The following LOC128706665 variants were observed in gnomAD, a reference collection of about 807,000 sequenced individuals.
the LOC128706665 span, among the ~76,000 whole-genome samples, chr20:10,427,063 C>CAG: frequency 6.9e-6 from 1 of 145,394 alleles, no homozygotes; most frequent in Admixed American, 6.8e-5. Flanking sequence ...CACACACACA[C>CAG]ACACACACAC....
At chr20:10,420,158 A>C in the LOC128706665 span, among the ~76,000 whole-genome samples, 2 of 152,200 alleles carry the variant, frequency 1.3e-5, no homozygotes, top group Non-Finnish European at 2.9e-5. Context: ...AATGAATACA[A>C]TTAGTTTTGT....
At chr20:10,428,391 A>G in the LOC128706665 span, among the ~76,000 whole-genome samples, 1 of 152,212 alleles carries the variant, frequency 6.6e-6, no homozygotes, top group African/African-American at 2.4e-5. Flanking sequence ...GAATCCCTAA[A>G]GAGCCCATTT....
At chr20:10,416,900 T>C in the LOC128706665 span, among the ~76,000 whole-genome samples, 6 of 152,158 alleles carry the variant, frequency 3.9e-5, no homozygotes, top group African/African-American at 9.7e-5. Flanking sequence ...GCTTTTACAC[T>C]ACAACAGAAA....
chr20:10,434,177 C>G, the LOC128706665 span: 1 of 152,360 alleles, frequency 6.6e-6, no homozygotes, highest in Non-Finnish European at 1.5e-5. Context: ...CTCAAGCAGC[C>G]GCTGCTGCCG....
the LOC128706665 span, among the ~76,000 whole-genome samples, chr20:10,428,618 C>T: frequency 6.6e-6 from 1 of 152,138 alleles, no homozygotes; most frequent in Non-Finnish European, 1.5e-5. Context: ...GAAGGTGGAT[C>T]ACTTGAGGTC....
At chr20:10,430,130 C>T in the LOC128706665 span, among the ~76,000 whole-genome samples, 1 of 152,296 alleles carries the variant, frequency 6.6e-6, no homozygotes, top group East Asian at 1.9e-4. Context: ...ATCTAAATTT[C>T]TTAGTACAGC....
the LOC128706665 span, among the ~76,000 whole-genome samples, chr20:10,427,021 A>ACACACACACAG: frequency 8.7e-6 from 1 of 114,724 alleles, no homozygotes; most frequent in Non-Finnish European, 1.9e-5. Context: ...CCAAGAAAAG[A>ACACACACACAG]AAACACTGAC....
At chr20:10,429,775 C>T in the LOC128706665 span, among the ~76,000 whole-genome samples, 3 of 152,270 alleles carry the variant, frequency 2.0e-5, no homozygotes, top group South Asian at 6.2e-4. Flanking sequence ...ACATGACCTC[C>T]TTGCTTCAAT....
the LOC128706665 span, among the ~76,000 whole-genome samples, chr20:10,433,163 C>T: frequency 6.6e-6 from 1 of 152,226 alleles, no homozygotes; most frequent in African/African-American, 2.4e-5. Flanking sequence ...GCCACTGCGC[C>T]CGGCTCATTT....
chr20:10,418,301 A>G, the LOC128706665 span, among the ~76,000 whole-genome samples: 1 of 152,222 alleles, frequency 6.6e-6, no homozygotes, highest in South Asian at 2.1e-4. Flanking sequence ...GCCCTTAACT[A>G]TTAAAGCTGG....
At chr20:10,427,247 T>C in the LOC128706665 span, among the ~76,000 whole-genome samples, 8 of 152,350 alleles carry the variant, frequency 5.3e-5, no homozygotes, top group South Asian at 2.1e-4. Flanking sequence ...CAGGGAATGT[T>C]ACATCAAATG....
the LOC128706665 span, among the ~76,000 whole-genome samples, chr20:10,417,085 T>TA: frequency 8.6e-5 from 13 of 151,780 alleles, no homozygotes; most frequent in East Asian, 1.9e-4. Context: ...CTGTCTCTAC[T>TA]AAAAAAATAC....
the LOC128706665 span, among the ~76,000 whole-genome samples, chr20:10,430,301 T>C: frequency 5.3e-5 from 8 of 152,230 alleles, no homozygotes; most frequent in Non-Finnish European, 1.0e-4. Context: ...ACTTTACAAC[T>C]GGCTGTGTGG....
the LOC128706665 span, among the ~76,000 whole-genome samples, chr20:10,430,423 TTG>T: frequency 1.3e-5 from 2 of 151,590 alleles, no homozygotes; most frequent in South Asian, 4.2e-4. Context: ...ACTTGGCACT[TTG>T]TCTGGGCTCA....
the LOC128706665 span, among the ~76,000 whole-genome samples, chr20:10,422,728 G>A: frequency 1.1e-5 from 1 of 86,960 alleles, no homozygotes; most frequent in Non-Finnish European, 2.4e-5. Context: ...TTTTTTTTTT[G>A]TGAGACAGAG....
At chr20:10,425,483 A>G in the LOC128706665 span, among the ~76,000 whole-genome samples, 1 of 152,254 alleles carries the variant, frequency 6.6e-6, no homozygotes, top group Non-Finnish European at 1.5e-5. Flanking sequence ...CTTGACAAGA[A>G]AGTTTTTAAA....
At chr20:10,417,539 A>T in the LOC128706665 span, among the ~76,000 whole-genome samples, 2 of 152,146 alleles carry the variant, frequency 1.3e-5, no homozygotes, top group African/African-American at 2.4e-5. Flanking sequence ...TGTGCCCAAG[A>T]GTTTGAGGCT....
the LOC128706665 span, among the ~76,000 whole-genome samples, chr20:10,419,333 TA>T: frequency 2.0e-5 from 3 of 152,128 alleles, no homozygotes; most frequent in African/African-American, 7.2e-5. Flanking sequence ...TTAGATTTTA[TA>T]AATACAATAT....
the LOC128706665 span, among the ~76,000 whole-genome samples, chr20:10,433,854 C>G: frequency 4.6e-5 from 7 of 152,172 alleles, no homozygotes; most frequent in African/African-American, 1.7e-4. Flanking sequence ...CTCCAGCTCT[C>G]CCCACCGGCG....
Sources: allele counts gnomAD v4.1 joint callset (sites outside exome capture counted in the v4.1 genomes callset), GRCh38; gene constraint gnomAD v4.1.1; transcripts MANE v1.5.